GALNT13: variants seen among roughly 807,000 people sequenced by gnomAD.
The protein encoded by GALNT13 is UDP-GalNAc:polypeptide N-acetylgalactosaminyltransferase 13.
A neutral mutation model predicts 64.2 loss-of-function variants in GALNT13; 28 were observed. The observed-to-expected ratio is 0.44, with a 90% confidence interval of 0.32 to 0.60. The LOEUF (loss-of-function observed/expected upper bound fraction) is 0.60. GALNT13 is among the 20% of genes least tolerant of loss of function. GALNT13 has a pLI of 0.05. For synonymous variants in GALNT13, 214 were observed against 224.6 expected (o/e 0.95, Z 0.42); for missense variants, 577 against 669.8 (o/e 0.86, Z 1.53).
chr2:153,885,358 T>C (rs1687099532), intron 1 of GALNT13, among the ~76,000 whole-genome samples: 1 of 152,080 alleles, frequency 6.6e-6, no homozygotes, highest in South Asian at 2.1e-4. Context: ...CAAATCAGAA[T>C]CATACATCTT....
At chr2:154,141,721 C>G (rs1683270629) in intron 4 of GALNT13, among the ~76,000 whole-genome samples, 1 of 152,132 alleles carries the variant, frequency 6.6e-6, no homozygotes, top group African/African-American at 2.4e-5. Flanking sequence ...ACAAAAATAG[C>G]TCATTGTCTA....
intron 8 of GALNT13, among the ~76,000 whole-genome samples, chr2:154,287,954 C>G (rs761277999): frequency 1.2e-4 from 18 of 152,216 alleles, no homozygotes; most frequent in Non-Finnish European, 2.2e-4. Flanking sequence ...CTAGGTGCCT[C>G]AAAACACTTT....
At chr2:153,410,232 C>T in the GALNT13 span, among the ~76,000 whole-genome samples, 2 of 150,768 alleles carry the variant, frequency 1.3e-5, no homozygotes, top group Non-Finnish European at 3.0e-5. Context: ...GGACTACAGG[C>T]ACTCACCACA....
In GALNT13 at chr2:154,164,362, C is replaced by T. The variant is rs185260447; in HGVS notation, c.311+23857C>T. Among the ~76,000 whole-genome samples the T allele has an allele frequency of 3.1e-4, 47 of 152,174 alleles. 2 individuals carry two copies. Among genetic ancestry groups the T allele is most frequent in the Admixed American group, 2.7e-3 (41 of 15,280 alleles). ...ATAGATCATCTATAGCATTCTATTT[C>T]TGTGTAACATTAATTATATTTGAAA... On this transcript the variant is annotated intron_variant, in intron 4 of 12. Coordinates refer to ENST00000392825, the MANE Select transcript of GALNT13 (RefSeq NM_052917.4).
At chr2:153,219,172 A>G in the GALNT13 span, among the ~76,000 whole-genome samples, 1 of 152,196 alleles carries the variant, frequency 6.6e-6, no homozygotes, top group Non-Finnish European at 1.5e-5. Flanking sequence ...TTCCTTACCA[A>G]TTTAGTCATG....
chr2:153,970,595 C>T (rs1294666041), intron 3 of GALNT13, among the ~76,000 whole-genome samples: 3 of 152,030 alleles, frequency 2.0e-5, no homozygotes, highest in Admixed American at 1.3e-4. Context: ...TGTTATACTC[C>T]TCTCCTAATT....
At chr2:153,295,562 C>T in the GALNT13 span, among the ~76,000 whole-genome samples, 2 of 151,784 alleles carry the variant, frequency 1.3e-5, no homozygotes, top group South Asian at 2.1e-4. Context: ...TGTGCTCCAC[C>T]TCAGATCCTC....
chr2:154,220,293 T>A (rs1246897781), intron 4 of GALNT13, among the ~76,000 whole-genome samples: 2 of 152,100 alleles, frequency 1.3e-5, no homozygotes, highest in African/African-American at 4.8e-5. Context: ...AAGCTTAAAG[T>A]CATTTGTAGA....
the GALNT13 span, among the ~76,000 whole-genome samples, chr2:153,697,010 T>A: frequency 5.9e-5 from 9 of 152,218 alleles, no homozygotes; most frequent in Non-Finnish European, 1.0e-4. Flanking sequence ...AACGGTTGTG[T>A]GAACTCCTGA....
intron 9 of GALNT13, among the ~76,000 whole-genome samples, chr2:154,385,687 A>G (rs12478741): frequency 6.6e-6 from 1 of 151,988 alleles, no homozygotes; most frequent in Non-Finnish European, 1.5e-5. Context: ...AAGTCCCTTA[A>G]GTAATAGTTT....
the GALNT13 span, among the ~76,000 whole-genome samples, chr2:153,198,944 C>T: frequency 4.6e-5 from 7 of 152,184 alleles, no homozygotes; most frequent in African/African-American, 1.7e-4. Context: ...TTTCTAAGTG[C>T]TCTTTTAGTG....
chr2:153,841,086 A>G, the GALNT13 span, among the ~76,000 whole-genome samples: 1 of 152,172 alleles, frequency 6.6e-6, no homozygotes, highest in Non-Finnish European at 1.5e-5. Flanking sequence ...AAGGTTTTAT[A>G]TTACTTAATG....
the GALNT13 span, among the ~76,000 whole-genome samples, chr2:153,466,531 A>G: frequency 6.6e-6 from 1 of 151,952 alleles, no homozygotes; most frequent in Non-Finnish European, 1.5e-5. Context: ...TAAGATTGTA[A>G]TAATCCAAAA....
the GALNT13 span, among the ~76,000 whole-genome samples, chr2:153,147,543 T>G: frequency 1.0e-5 from 1 of 99,076 alleles, no homozygotes; most frequent in African/African-American, 4.3e-5. Flanking sequence ...GCATTAGACT[T>G]TTTTTTTTTT....
chr2:153,493,031 A>G, the GALNT13 span, among the ~76,000 whole-genome samples: 1 of 152,164 alleles, frequency 6.6e-6, no homozygotes, highest in Non-Finnish European at 1.5e-5. Context: ...GGCATAGCAA[A>G]AGTGGTGTTT....
At chr2:154,392,918 A>T (rs949202907) in intron 9 of GALNT13, among the ~76,000 whole-genome samples, 1 of 152,170 alleles carries the variant, frequency 6.6e-6, no homozygotes, top group Non-Finnish European at 1.5e-5. Flanking sequence ...CTGAGGATAT[A>T]TTGTGAAGTA....
chr2:153,301,129 G>A, the GALNT13 span, among the ~76,000 whole-genome samples: 1 of 151,866 alleles, frequency 6.6e-6, no homozygotes, highest in East Asian at 1.9e-4. Context: ...CCAGGAGGTT[G>A]AGGCTGGAGT....
chr2:153,285,393 T>C, the GALNT13 span, among the ~76,000 whole-genome samples: 1 of 152,192 alleles, frequency 6.6e-6, no homozygotes. Flanking sequence ...TCATTACATC[T>C]TCTTTACCTC....
chr2:154,025,982 G>T (rs72993699), intron 3 of GALNT13, among the ~76,000 whole-genome samples: 7,985 of 152,098 alleles, frequency 0.052, 301 homozygotes, highest in South Asian at 0.13. Context: ...GGGGAGTGAA[G>T]GCTTACTTGC....
Sources: gnomAD v4.1 joint callset for allele counts (sites outside exome capture counted in the v4.1 genomes callset) on GRCh38, gnomAD v4.1.1 for gene constraint, MANE v1.5 for transcripts, NCBI Gene and HGNC (gene_info 2026-07-23, HGNC 2026-07-21) for gene names.